Variants in CTDP1 observed in about 807,000 individuals in gnomAD.
CTDP1 encodes RNA polymerase II subunit A C-terminal domain phosphatase.
CTDP1 carries 47 observed loss-of-function variants against 91.8 expected under a neutral mutation model. That is an observed-to-expected ratio of 0.51 (90% CI 0.41 to 0.65). CTDP1 has a LOEUF of 0.65. Ranked by LOEUF, CTDP1 falls within the 30% of genes least tolerant of loss-of-function variation. CTDP1 has a pLI of 0.00. For synonymous variants in CTDP1, 656 were observed against 598.5 expected, an observed-to-expected ratio of 1.10 and a Z score of -1.40; for missense variants, 1,272 against 1,373.7, an observed-to-expected ratio of 0.93 and a Z score of 1.17.
intron 1 of CTDP1, among the ~76,000 whole-genome samples, chr18:79,689,937 G>T (rs566608592): frequency 5.3e-5 from 8 of 152,286 alleles, no homozygotes; most frequent in African/African-American, 1.9e-4. Flanking sequence ...GAGTCTTGAG[G>T]CATTGCCGCC....
intron 10 of CTDP1, among the ~76,000 whole-genome samples, chr18:79,721,862 C>T (rs1326692163): frequency 6.7e-6 from 1 of 148,996 alleles, no homozygotes; most frequent in African/African-American, 2.5e-5. Context: ...CTTGCTCCAT[C>T]GTCCAGGCTG....
At chr18:79,748,848 C>T (rs116937451) in intron 12 of CTDP1, among the ~76,000 whole-genome samples, 5,837 of 152,034 alleles carry the variant, frequency 0.038, 204 homozygotes, top group South Asian at 0.15. Flanking sequence ...GCACATGAGC[C>T]GTGTCTGTGT....
rs1180678181 is a variant in CTDP1 at position 79,679,891 on chromosome 18, TGCGCTCTGAGCGCA to T, written c.-52_-39del. On this transcript the variant is annotated 5_prime_UTR_variant, in exon 1 of 13. Coordinates refer to ENST00000613122, the MANE Select transcript of CTDP1 (RefSeq NM_004715.5). ...TGGGTTGTGTCGCCGCGGTAGGCGCTGCGCTCTGAGCGCAGCGCAGGCCCCGTACCGACCGCCCG... is the reference window on the plus strand; with the variant it reads ...TGGGTTGTGTCGCCGCGGTAGGCGCTGCGCAGGCCCCGTACCGACCGCCCG... 1.0e-5 allele frequency: 13 copies of T among 1,291,172 alleles called. No individual in the cohort carries two copies. In the Admixed American group the frequency reaches 2.6e-4, roughly 26 times the overall value. The allele number at this position is 1,291,172 out of a possible 1,614,324, so 80.0% of individuals were successfully genotyped here.
chr18:79,734,054 A>G (rs867356927), intron 11 of CTDP1, among the ~76,000 whole-genome samples: 60 of 152,358 alleles, frequency 3.9e-4, no homozygotes, highest in African/African-American at 1.4e-3. Flanking sequence ...TAACTTTACA[A>G]TGATGTGCAA....
intron 1 of CTDP1, among the ~76,000 whole-genome samples, chr18:79,689,038 G>A (rs1222494154): frequency 6.6e-6 from 1 of 152,202 alleles, no homozygotes. Flanking sequence ...CTAAATACTT[G>A]AGTTTCCTGA....
chr18:79,723,372 T>C (rs972149014), intron 10 of CTDP1, among the ~76,000 whole-genome samples: 1 of 152,208 alleles, frequency 6.6e-6, no homozygotes, highest in Middle Eastern at 3.4e-3. Context: ...AGAGTGGTGG[T>C]TCCTCATTCT....
At chr18:79,689,301 T>C (rs986727774) in intron 1 of CTDP1, among the ~76,000 whole-genome samples, 28 of 152,212 alleles carry the variant, frequency 1.8e-4, no homozygotes, top group African/African-American at 6.5e-4. Context: ...TTACAACTTT[T>C]CCTGTTGTAA....
At chr18:79,715,805 G>A (rs1363341346) in intron 8 of CTDP1, among the ~76,000 whole-genome samples, 1 of 152,192 alleles carries the variant, frequency 6.6e-6, no homozygotes, top group African/African-American at 2.4e-5. Flanking sequence ...TGGCCGGGTT[G>A]GAAAACAGGG....
intron 1 of CTDP1, among the ~76,000 whole-genome samples, chr18:79,689,406 A>T (rs151115272): frequency 6.6e-6 from 1 of 152,326 alleles, no homozygotes; most frequent in South Asian, 2.1e-4. Flanking sequence ...TCCTGCTTGA[A>T]TCGCTTCATT....
At chr18:79,710,214 A>T in intron 5 of CTDP1, 132 bp from the exon 6 acceptor site, 1 of 784,890 alleles carries the variant, frequency 1.3e-6, no homozygotes, top group Non-Finnish European at 2.3e-6. Context: ...CTCAAAAGGG[A>T]TGAAGTGTTT....
At chr18:79,744,757 C>T (rs1375303238) in intron 12 of CTDP1, among the ~76,000 whole-genome samples, 1 of 152,144 alleles carries the variant, frequency 6.6e-6, no homozygotes, top group East Asian at 1.9e-4. Flanking sequence ...AAGGGAGAGG[C>T]GGCCATGGCG....
chr18:79,685,245 G>A (rs1448324482), intron 1 of CTDP1: 1 of 152,258 alleles, frequency 6.6e-6, no homozygotes, highest in Non-Finnish European at 1.5e-5. Context: ...TAATATTTAT[G>A]TGGAGTACAA....
At chr18:79,746,245 GTCCC>G in intron 12 of CTDP1, among the ~76,000 whole-genome samples, 1 of 57,792 alleles carries the variant, frequency 1.7e-5, no homozygotes, top group South Asian at 6.9e-4. Flanking sequence ...CTGACCCCGC[GTCCC>G]TCCCGTGCGC....
chr18:79,744,851 G>C (rs116275641), intron 12 of CTDP1, among the ~76,000 whole-genome samples: 2,216 of 152,320 alleles, frequency 0.015, 65 homozygotes, highest in African/African-American at 0.051. Flanking sequence ...GACCAGTCCT[G>C]AAGCTCTTAC....
At chr18:79,751,168 G>A (rs1236480634) in intron 12 of CTDP1, among the ~76,000 whole-genome samples, 4 of 124,914 alleles carry the variant, frequency 3.2e-5, no homozygotes, top group Admixed American at 3.1e-4. Flanking sequence ...GCTGGGTACA[G>A]AGGGCAGGCT....
chr18:79,748,821 G>T (rs2086933596), intron 12 of CTDP1, among the ~76,000 whole-genome samples: 1 of 151,946 alleles, frequency 6.6e-6, no homozygotes, highest in Non-Finnish European at 1.5e-5. Flanking sequence ...AGCCGTGTCT[G>T]CCTGGGAGCC....
chr18:79,686,792 G>A (rs1568172629), intron 1 of CTDP1, among the ~76,000 whole-genome samples: 1 of 152,056 alleles, frequency 6.6e-6, no homozygotes, highest in Non-Finnish European at 1.5e-5. Context: ...TGGTGGGCCT[G>A]CACCACAGCA....
chr18:79,695,402 C>T lies in CTDP1; in HGVS notation c.398+94C>T, dbSNP rs931002786. 4 of 1,131,040 alleles carry T rather than the reference C, an allele frequency of 3.5e-6. No individual in the cohort carries two copies. In the Admixed American group the frequency reaches 7.1e-5, roughly 20 times the overall value. 70.1% of individuals were successfully genotyped at this position (1,131,040 alleles called of 1,614,324 possible). On this transcript the variant is annotated intron_variant, in intron 2 of 12. Coordinates refer to ENST00000613122, the MANE Select transcript of CTDP1 (RefSeq NM_004715.5). ...AAGCTGTGCTGGGAACACAGTGAGG[C>T]CCTTGGTTTCCCAGCGGCAGATGCA...
intron 1 of CTDP1, chr18:79,683,195 G>A (rs1423158132): frequency 6.6e-6 from 1 of 152,206 alleles, no homozygotes; most frequent in Non-Finnish European, 1.5e-5. Context: ...CACGTGGGCT[G>A]TTTTATAATT....
Sources: gnomAD v4.1 joint callset for allele counts (sites outside exome capture counted in the v4.1 genomes callset) on GRCh38, gnomAD v4.1.1 for gene constraint, MANE v1.5 for transcripts, NCBI Gene and HGNC (gene_info 2026-07-23, HGNC 2026-07-21) for gene names.